Variants in DLGAP1 observed in about 807,000 individuals in gnomAD.
DLGAP1 encodes the protein disks large-associated protein 1.
In DLGAP1, 11 loss-of-function variants were observed where a neutral mutation model predicts 90.8. The observed-to-expected ratio is 0.12, with a 90% confidence interval of 0.08 to 0.20. DLGAP1 has a LOEUF of 0.20. Among genes scored for constraint, DLGAP1 ranks in the 10% least tolerant of loss-of-function variants. DLGAP1 has a pLI of 1.00. For synonymous variants in DLGAP1, 558 were observed against 540.7 expected, an observed-to-expected ratio of 1.03 and a Z score of -0.44; for missense variants, 1,050 against 1,333.8, an observed-to-expected ratio of 0.79 and a Z score of 3.31.
At chr18:3,766,654 A>C (rs2097889208) in intron 5 of DLGAP1, among the ~76,000 whole-genome samples, 1 of 152,188 alleles carries the variant, frequency 6.6e-6, no homozygotes, top group Admixed American at 6.5e-5. Context: ...TCAAATGAAA[A>C]ATCAGTAACA....
chr18:3,953,326 C>T (rs1023294186), intron 3 of DLGAP1, among the ~76,000 whole-genome samples: 1 of 152,122 alleles, frequency 6.6e-6, no homozygotes, highest in Non-Finnish European at 1.5e-5. Flanking sequence ...AACACTCAGT[C>T]CCCCTCCCAC....
At chr18:4,132,987 C>G (rs1197553018) in intron 2 of DLGAP1, among the ~76,000 whole-genome samples, 2 of 152,156 alleles carry the variant, frequency 1.3e-5, no homozygotes, top group African/African-American at 4.8e-5. Context: ...AGAGGCAAGT[C>G]ACATCAACTC....
chr18:4,166,018 G>T (rs1179246984), intron 1 of DLGAP1, among the ~76,000 whole-genome samples: 1 of 152,056 alleles, frequency 6.6e-6, no homozygotes, highest in East Asian at 1.9e-4. Flanking sequence ...AATTAGCCAG[G>T]CATGGTGGCA....
chr18:4,057,917 A>T (rs1292637760), intron 2 of DLGAP1, among the ~76,000 whole-genome samples: 1 of 151,980 alleles, frequency 6.6e-6, no homozygotes, highest in African/African-American at 2.4e-5. Flanking sequence ...ACTAGTAGGG[A>T]TGATTCCTCT....
At chr18:4,195,910 G>A (rs1316747346) in intron 1 of DLGAP1, among the ~76,000 whole-genome samples, 1 of 152,138 alleles carries the variant, frequency 6.6e-6, no homozygotes, top group Non-Finnish European at 1.5e-5. Flanking sequence ...TTTGAAGAGG[G>A]AGTTTACAGA....
chr18:3,503,849 A>G (rs559410636), intron 11 of DLGAP1, among the ~76,000 whole-genome samples: 4 of 152,328 alleles, frequency 2.6e-5, no homozygotes, highest in Admixed American at 1.3e-4. Context: ...TAATCCCAGC[A>G]CTTTGGGAGT....
At chr18:3,916,704 T>C (rs964908567) in intron 3 of DLGAP1, among the ~76,000 whole-genome samples, 1 of 151,996 alleles carries the variant, frequency 6.6e-6, no homozygotes, top group African/African-American at 2.4e-5. Flanking sequence ...GACCTCAGAG[T>C]CTGTGCTTGC....
intron 1 of DLGAP1, among the ~76,000 whole-genome samples, chr18:4,182,364 T>C (rs1325802049): frequency 6.6e-6 from 1 of 152,198 alleles, no homozygotes; most frequent in Non-Finnish European, 1.5e-5. Context: ...AAGAGAGTTT[T>C]TCACCCTTAC....
intron 1 of DLGAP1, among the ~76,000 whole-genome samples, chr18:4,326,118 G>A (rs1456145370): frequency 6.6e-6 from 1 of 151,878 alleles, no homozygotes; most frequent in African/African-American, 2.4e-5. Flanking sequence ...TGGATCCCAC[G>A]AAGATCTAAT....
At chr18:3,639,955 C>T (rs567869313) in intron 7 of DLGAP1, among the ~76,000 whole-genome samples, 7 of 151,070 alleles carry the variant, frequency 4.6e-5, no homozygotes, top group Admixed American at 2.0e-4. Context: ...AGGGTTTCAC[C>T]GTGTTAGCCA....
chr18:4,172,436 T>G (rs2077040650), intron 1 of DLGAP1, among the ~76,000 whole-genome samples: 1 of 152,242 alleles, frequency 6.6e-6, no homozygotes, highest in African/African-American at 2.4e-5. Context: ...CCATTTAGTC[T>G]TGCATGCGCG....
intron 1 of DLGAP1, among the ~76,000 whole-genome samples, chr18:4,156,670 A>G (rs2076761869): frequency 6.6e-6 from 1 of 152,226 alleles, no homozygotes; most frequent in South Asian, 2.1e-4. Context: ...AGGAGATGAA[A>G]GGTCTAAAGA....
chr18:4,433,022 C>A (rs949857709), intron 1 of DLGAP1, among the ~76,000 whole-genome samples: 6 of 152,160 alleles, frequency 3.9e-5, no homozygotes, highest in Non-Finnish European at 7.3e-5. Flanking sequence ...TTTTCAGCAG[C>A]CACATAAAGT....
intron 4 of DLGAP1, among the ~76,000 whole-genome samples, chr18:3,875,219 A>C (rs535785071): frequency 1.3e-5 from 2 of 152,334 alleles, no homozygotes; most frequent in East Asian, 3.9e-4. Flanking sequence ...TTTACCACAA[A>C]ATAAATCAAG....
chr18:3,850,973 C>A (rs1261017025), intron 4 of DLGAP1, among the ~76,000 whole-genome samples: 1 of 152,152 alleles, frequency 6.6e-6, no homozygotes, highest in African/African-American at 2.4e-5. Flanking sequence ...CTCCTGGAAT[C>A]TATTCCAAAC....
chr18:4,038,293 G>A (rs1287937887), intron 2 of DLGAP1, among the ~76,000 whole-genome samples: 1 of 152,164 alleles, frequency 6.6e-6, no homozygotes, highest in Admixed American at 6.5e-5. Flanking sequence ...CTTTTTGCCA[G>A]AATTGGTAAC....
intron 2 of DLGAP1, among the ~76,000 whole-genome samples, chr18:4,007,739 A>ATG (rs765974001): frequency 5.3e-5 from 8 of 152,034 alleles, no homozygotes; most frequent in Non-Finnish European, 7.4e-5. Flanking sequence ...AAAAGGGAAA[A>ATG]TGTGTGTGTG....
Position 3,729,568 on chromosome 18 carries a change from C to A in DLGAP1, c.1351-193G>T, listed in dbSNP as rs749447159. On this transcript the variant is annotated intron_variant, in intron 6 of 12. Coordinates refer to ENST00000315677, the MANE Select transcript of DLGAP1 (RefSeq NM_004746.4). This position sits in a 1 kb window ranked among gnomAD's most constrained non-coding sequence, Gnocchi z 6.2. ...GCTTATAATTCCAAACAATAGATTA[C>A]TTTTTTTTTCTTGTATTTTTAGTAG... is the stretch of plus-strand genomic sequence containing the variant. Among the ~76,000 whole-genome samples, 1 of 151,624 alleles carries A rather than the reference C, an allele frequency of 6.6e-6. No homozygotes were observed.
At position 3,617,183 on chromosome 18, in the gene DLGAP1, G is replaced by T. The variant is rs141608035; in HGVS notation, c.1592-34935C>A. Among the ~76,000 whole-genome samples the T allele has an allele frequency of 4.6e-3, 708 of 152,278 alleles. 3 individuals carry two copies. Among genetic ancestry groups the T allele is most frequent in the East Asian group, 0.024 (123 of 5,184 alleles). On this transcript the variant is annotated intron_variant, in intron 7 of 12. Coordinates refer to ENST00000315677, the MANE Select transcript of DLGAP1 (RefSeq NM_004746.4). ...GATTGCTTTAAGACATTAAGTTTTGGGGGTGATCCGTTGCATAGAAAGAAA... is the reference window on the plus strand; with the variant it reads ...GATTGCTTTAAGACATTAAGTTTTGTGGGTGATCCGTTGCATAGAAAGAAA...
Sources: allele counts gnomAD v4.1 joint callset (sites outside exome capture counted in the v4.1 genomes callset), GRCh38; gene constraint gnomAD v4.1.1; non-coding constraint Gnocchi (gnomAD v3.1); transcripts MANE v1.5; gene names NCBI Gene and HGNC (gene_info 2026-07-23, HGNC 2026-07-21).